The following OSBP2 variants were observed in gnomAD, a reference collection of about 807,000 sequenced individuals.
OSBP2 encodes the protein oxysterol binding protein 2.
Under a neutral mutation model 96.0 loss-of-function variants are expected in OSBP2, and 66 were observed. The observed-to-expected ratio is 0.69, with a 90% CI of 0.56 to 0.84. OSBP2 has a LOEUF of 0.84. Ranked by LOEUF, OSBP2 falls within the 40% of genes least tolerant of loss-of-function variation. OSBP2 has a pLI of 0.00. For missense variants in OSBP2, 1,038 were observed against 1,222.7 expected (o/e 0.85, Z 2.25); for synonymous variants, 525 against 520.9 (o/e 1.01, Z -0.11).
Position 30,820,497 on chromosome 22 carries a change from G to A in OSBP2, c.854-49932G>A, listed in dbSNP as rs781100376. ...CATGAGGCCTCTGGGAGCCCAGGGC[G>A]CAGTAATCTCTTTAAGGGACCTTGC... On this transcript the variant is annotated intron_variant, in intron 2 of 13. Transcript: ENST00000332585. 4.6e-5 allele frequency among the ~76,000 whole-genome samples: 7 copies of A among 152,060 alleles called. No homozygotes were observed. The South Asian group carries it at 8.3e-4, about 18-fold the overall frequency.
rs532398983 is a variant in OSBP2 at position 30,718,813 on chromosome 22, C to A, written c.645-22348C>A. Among the ~76,000 whole-genome samples, 4 of 152,248 alleles carry A rather than the reference C, an allele frequency of 2.6e-5. No individual in the cohort carries two copies. The East Asian group carries it at 7.7e-4, about 29-fold the overall frequency. ...ATGGCCTGGGCCCTTGCTCCTGAGC[C>A]CTGGGGCAGCATGGGAACAGGGCTG... On this transcript the variant is annotated intron_variant, in intron 1 of 13. Coordinates refer to ENST00000332585, the MANE Select transcript of OSBP2 (RefSeq NM_030758.4).
chr22:30,787,561 G>A (rs2090610139), intron 2 of OSBP2, among the ~76,000 whole-genome samples: 1 of 152,064 alleles, frequency 6.6e-6, no homozygotes, highest in African/African-American at 2.4e-5. Flanking sequence ...TAATCCCAGC[G>A]AATCGGGAGG....
intron 2 of OSBP2, among the ~76,000 whole-genome samples, chr22:30,746,245 C>A (rs1034331843): frequency 5.3e-5 from 8 of 151,836 alleles, no homozygotes; most frequent in Non-Finnish European, 5.9e-5. Flanking sequence ...ATAGTGAGAC[C>A]CTTTCTTTAC....
intron 1 of OSBP2, among the ~76,000 whole-genome samples, chr22:30,709,040 C>T (rs2089302262): frequency 6.6e-6 from 1 of 151,882 alleles, no homozygotes. Context: ...GTGGAGGTTG[C>T]TGTGAGCTAG....
At chr22:30,864,238 C>CT (rs1259752479) in intron 2 of OSBP2, among the ~76,000 whole-genome samples, 1 of 152,188 alleles carries the variant, frequency 6.6e-6, no homozygotes, top group Non-Finnish European at 1.5e-5. Flanking sequence ...TCCCAAAGTG[C>CT]TGGGATTACA....
chr22:30,885,174 G>A (rs1409108684), intron 3 of OSBP2, among the ~76,000 whole-genome samples: 4 of 152,210 alleles, frequency 2.6e-5, no homozygotes, highest in Non-Finnish European at 5.9e-5. Flanking sequence ...TTTGGGGTGG[G>A]ACAGCCTGTG....
Position 30,793,880 on chromosome 22 carries a change from C to T in OSBP2, c.853+52511C>T, listed in dbSNP as rs2090716217. ...TCTAAGTTGTACACCCATGTTCATA[C>T]AGCATTATTCACAGTAGCCCAAAGG... On this transcript the variant is annotated intron_variant, in intron 2 of 13. Coordinates refer to ENST00000332585, the MANE Select transcript of OSBP2 (RefSeq NM_030758.4). 2.0e-5 allele frequency among the ~76,000 whole-genome samples: 3 copies of T among 152,120 alleles called. 1 individual carries two copies. Among genetic ancestry groups the T allele is most frequent in the Admixed American group, 2.0e-4 (3 of 15,262 alleles).
At chr22:30,729,875 T>C (rs1345030876) in intron 1 of OSBP2, among the ~76,000 whole-genome samples, 3 of 152,058 alleles carry the variant, frequency 2.0e-5, no homozygotes, top group Admixed American at 6.6e-5. Flanking sequence ...TCTCGTGGAC[T>C]TCAGCTCTTG....
chr22:30,808,015 C>G (rs1163139802), intron 2 of OSBP2, among the ~76,000 whole-genome samples: 1 of 152,102 alleles, frequency 6.6e-6, no homozygotes, highest in Non-Finnish European at 1.5e-5. Flanking sequence ...GTCTGGAACT[C>G]CTGGGCTCAA....
At chr22:30,803,202 G>A (rs1183820334) in intron 2 of OSBP2, 3 of 158,042 alleles carry the variant, frequency 1.9e-5, no homozygotes, top group African/African-American at 7.2e-5. Flanking sequence ...GCGGAAGAGG[G>A]ATGGGGTGGA....
chr22:30,695,379 A>G lies in OSBP2; in HGVS notation c.470A>G (p.Gln157Arg). The change falls in exon 1 of 14, where the codon CAG becomes CGG. Residue 157 changes from glutamine to arginine, a missense_variant. Transcript: ENST00000332585. The part of the protein sequence containing the change: ...LKPLPLLRPG[Q>R]AKTPLGVPMS... ...CCCCTGCCTCTTCTGCGACCAGGAC[A>G]GGCGAAGACTCCTCTTGGGGTTCCA... is the stretch of plus-strand genomic sequence containing the variant. 1.9e-6 allele frequency: 3 copies of G among 1,613,902 alleles called. No homozygotes were observed. In the South Asian group the frequency reaches 3.3e-5, roughly 18 times the overall value.
intron 2 of OSBP2, among the ~76,000 whole-genome samples, chr22:30,828,936 G>C (rs537454823): frequency 1.6e-4 from 24 of 152,322 alleles, no homozygotes; most frequent in African/African-American, 5.8e-4. Context: ...GGAGGGAAAA[G>C]AGGGTCATGA....
rs928283897 is a variant in OSBP2 at position 30,863,190 on chromosome 22, C to T, written c.854-7239C>T. Among the ~76,000 whole-genome samples the T allele has an allele frequency of 2.6e-5, 4 of 152,068 alleles. No individual in the cohort carries two copies. In the South Asian group the frequency reaches 8.3e-4, roughly 32 times the overall value. On this transcript the variant is annotated intron_variant, in intron 2 of 13. Transcript: ENST00000332585. ...ACGTTGCTTGATATCCCCCAGACTCCCACCCCAAGCCTTTCTCTCTGTTAT... is the reference window on the plus strand; with the variant it reads ...ACGTTGCTTGATATCCCCCAGACTCTCACCCCAAGCCTTTCTCTCTGTTAT...
chr22:30,702,479 TG>T (rs2089179458), intron 1 of OSBP2, among the ~76,000 whole-genome samples: 1 of 152,030 alleles, frequency 6.6e-6, no homozygotes, highest in Non-Finnish European at 1.5e-5. Context: ...CTGGGCATGG[TG>T]GTGGGTGCCT....
chr22:30,822,571 G>A (rs1407734593), intron 2 of OSBP2: 2 of 1,511,620 alleles, frequency 1.3e-6, no homozygotes, highest in Non-Finnish European at 1.8e-6. Flanking sequence ...GTCCGTGCAA[G>A]CCCCCGGGAC....
intron 2 of OSBP2, among the ~76,000 whole-genome samples, chr22:30,825,892 C>T (rs913110685): frequency 6.6e-6 from 1 of 152,148 alleles, no homozygotes; most frequent in Non-Finnish European, 1.5e-5. Flanking sequence ...GCTGAACTTG[C>T]AGCTGACTGG....
intron 2 of OSBP2, among the ~76,000 whole-genome samples, chr22:30,776,800 G>C (rs1376955209): frequency 6.6e-6 from 1 of 152,150 alleles, no homozygotes; most frequent in Non-Finnish European, 1.5e-5. Context: ...AAATATTCAC[G>C]TTAATCCTTT....
chr22:30,709,327 A>G (rs2089307191), intron 1 of OSBP2, among the ~76,000 whole-genome samples: 1 of 152,000 alleles, frequency 6.6e-6, no homozygotes, highest in African/African-American at 2.4e-5. Context: ...GATTTTACTG[A>G]TGGCATTTTC....
Position 30,890,971 on chromosome 22 carries a change from C to T in OSBP2, c.1867C>T (p.Gln623Ter). Reference protein sequence around the residue: ...DDMGLRSLCEQVSHHPPSAAH... With the variant: ...DDMGLRSLCE ...CATGGGCCTGCGCTCCCTCTGTGAG[C>T]AGGTGAGGGGGCTAGGCTGGCACTG... The change falls in exon 8 of 14, where the codon CAG becomes TAG. Residue 623 changes from glutamine to a stop codon, truncating the protein, a stop_gained and splice_region_variant. Coordinates refer to ENST00000332585, the MANE Select transcript of OSBP2 (RefSeq NM_030758.4). LOFTEE classifies it high-confidence loss of function. The surrounding 1 kb of genome is among the most constrained non-coding windows in gnomAD (Gnocchi z 4.4). 6.2e-7 allele frequency: 1 copy of T among 1,606,258 alleles called. No individual in the cohort carries two copies. The highest frequency in any genetic ancestry group is 8.5e-7 in the Non-Finnish European group (1 of 1,179,846).
Sources: allele counts gnomAD v4.1 joint callset (sites outside exome capture counted in the v4.1 genomes callset), GRCh38; gene constraint gnomAD v4.1.1; non-coding constraint Gnocchi (gnomAD v3.1); transcripts MANE v1.5; gene names NCBI Gene and HGNC (gene_info 2026-07-23, HGNC 2026-07-21).